The following ZDHHC20 variants were observed in gnomAD, a reference collection of about 807,000 sequenced individuals.
ZDHHC20 encodes palmitoyltransferase ZDHHC20.
ZDHHC20 carries 43 observed loss-of-function variants against 57.8 expected under a neutral mutation model. The observed-to-expected ratio is 0.74, with a 90% CI of 0.58 to 0.96. The LOEUF is 0.96. Among genes scored for constraint, ZDHHC20 ranks in the 40% least tolerant of loss-of-function variants. The probability of loss-of-function intolerance (pLI) is 0.00; values close to 1 mark genes in which losing one functional copy is unlikely to be tolerated. For missense variants in ZDHHC20, 391 were observed against 441.1 expected, an observed-to-expected ratio of 0.89 and a Z score of 1.02; for synonymous variants, 157 against 153.0, an observed-to-expected ratio of 1.03 and a Z score of -0.19.
intron 4 of ZDHHC20, among the ~76,000 whole-genome samples, chr13:21,403,350 G>A (rs1410848504): frequency 6.6e-6 from 1 of 150,812 alleles, no homozygotes; most frequent in Non-Finnish European, 1.5e-5. Flanking sequence ...CAATAAAACT[G>A]GGAATGCATT....
intron 7 of ZDHHC20, among the ~76,000 whole-genome samples, chr13:21,399,355 A>G (rs1263554029): frequency 1.3e-5 from 2 of 152,038 alleles, no homozygotes; most frequent in African/African-American, 4.8e-5. Context: ...AAATAAAAAT[A>G]AAATCAAATA....
intron 5 of ZDHHC20, among the ~76,000 whole-genome samples, chr13:21,402,375 A>C (rs564635209): frequency 6.6e-6 from 1 of 152,318 alleles, no homozygotes; most frequent in South Asian, 2.1e-4. Flanking sequence ...TTCTATACTT[A>C]TATGAAGGTA....
chr13:21,424,264 T>C (rs1055007501), intron 2 of ZDHHC20, among the ~76,000 whole-genome samples: 2 of 152,104 alleles, frequency 1.3e-5, no homozygotes, highest in African/African-American at 4.8e-5. Context: ...ACAAGTAATA[T>C]AGGAAGTAAA....
At chr13:21,379,460 A>C (rs1872841233) in intron 11 of ZDHHC20, among the ~76,000 whole-genome samples, 1 of 151,822 alleles carries the variant, frequency 6.6e-6, no homozygotes, top group Admixed American at 6.6e-5. Flanking sequence ...TTTTTTCCCA[A>C]AGTTTTTCGT....
chr13:21,446,626 T>C (rs1260068343), intron 1 of ZDHHC20, among the ~76,000 whole-genome samples: 1 of 152,246 alleles, frequency 6.6e-6, no homozygotes, highest in Non-Finnish European at 1.5e-5. Context: ...AGGGAATCTA[T>C]TCTCCATAAA....
intron 4 of ZDHHC20, among the ~76,000 whole-genome samples, chr13:21,408,853 G>A (rs1219904500): frequency 6.6e-6 from 1 of 152,182 alleles, no homozygotes; most frequent in Non-Finnish European, 1.5e-5. Flanking sequence ...GGCCTTTTCT[G>A]CATCTATTGA....
At chr13:21,418,689 T>G (rs893206480) in intron 3 of ZDHHC20, among the ~76,000 whole-genome samples, 1 of 142,684 alleles carries the variant, frequency 7.0e-6, no homozygotes. Context: ...GTTGCTGTTG[T>G]CTGAGACAGG....
rs751736008 is a variant in ZDHHC20, at chr13:21,459,097, C to G, written c.75G>C (p.Val25=). The change falls in exon 1 of 13, where the codon GTG becomes GTC. Residue 25 remains valine, a synonymous_variant. Transcript: ENST00000400590. The part of the protein sequence containing the change: ...GWVPVLFITF[V]VVWSYYAYVV... Reference sequence around the variant, plus strand: ...CGTACGCGTAGTAGGACCAGACGACCACGAAGGTGATGAAGAGCACCGGCA... The same window carrying G: ...CGTACGCGTAGTAGGACCAGACGACGACGAAGGTGATGAAGAGCACCGGCA... 6.2e-7 allele frequency: 1 copy of G among 1,607,180 alleles called. No homozygotes were observed. The highest frequency in any genetic ancestry group is 1.1e-5 in the South Asian group (1 of 90,150).
chr13:21,397,298 C>T (rs1163118134), intron 7 of ZDHHC20, among the ~76,000 whole-genome samples: 1 of 151,564 alleles, frequency 6.6e-6, no homozygotes, highest in East Asian at 1.9e-4. Context: ...CACACTCTAG[C>T]CTGGGTGACA....
intron 6 of ZDHHC20, 107 bp from the exon 7 acceptor site, chr13:21,400,600 G>A: frequency 1.7e-6 from 2 of 1,166,746 alleles, no homozygotes; most frequent in Non-Finnish European, 2.4e-6. Flanking sequence ...GTGGGGAAGG[G>A]GAGCTTTTTA....
At position 21,459,133 on chromosome 13, in the gene ZDHHC20, G is replaced by C. The variant is rs1275211230; in HGVS notation, c.39C>G (p.Val13=). 1 of 1,605,760 alleles carries C rather than the reference G, an allele frequency of 6.2e-7. No homozygotes were observed. Among genetic ancestry groups the C allele is most frequent in the South Asian group, 1.1e-5 (1 of 89,990 alleles). The change falls in exon 1 of 13, where the codon GTC becomes GTG. Residue 13 remains valine (V), a synonymous_variant. Coordinates refer to ENST00000400590, the MANE Select transcript of ZDHHC20 (RefSeq NM_001330059.2). ...TGAAGAGCACCGGCACCCAGCCCAC[G>C]ACGCGCTGGCAGCAGCGCCACAGCG... The part of the protein sequence containing the change: ...PWTLWRCCQR[V]VGWVPVLFIT...
Position 21,382,892 on chromosome 13 carries a change from T to C in ZDHHC20, c.944+28A>G, listed in dbSNP as rs375991719. 5.8e-4 allele frequency: 885 copies of C among 1,532,280 alleles called. 3 individuals are homozygous for C. The highest frequency in any genetic ancestry group is 6.4e-4 in the Non-Finnish European group (718 of 1,129,112). 94.9% of individuals were successfully genotyped at this position (1,532,280 alleles called of 1,614,324 possible). ...TATACGGTTTGCTTTATGATGAATA[T>C]AGAAAAGCATAAGGACAATAAGCAT... On this transcript the variant is annotated intron_variant, in intron 10 of 12. Coordinates refer to ENST00000400590, the MANE Select transcript of ZDHHC20 (RefSeq NM_001330059.2).
intron 3 of ZDHHC20, 139 bp from the exon 4 acceptor site, chr13:21,413,911 A>G (rs1249659674): frequency 2.9e-6 from 2 of 693,016 alleles, no homozygotes; most frequent in Non-Finnish European, 4.6e-6. Context: ...AAAAGCAGAT[A>G]AATCAAGTAC....
chr13:21,389,317 A>T (rs1464416329), intron 8 of ZDHHC20, among the ~76,000 whole-genome samples: 1 of 152,202 alleles, frequency 6.6e-6, no homozygotes, highest in African/African-American at 2.4e-5. Flanking sequence ...GCTGTTAGAA[A>T]GTGGTGTGCT....
At chr13:21,412,351 C>A (rs1879329111) in intron 4 of ZDHHC20, among the ~76,000 whole-genome samples, 1 of 152,054 alleles carries the variant, frequency 6.6e-6, no homozygotes, top group Admixed American at 6.6e-5. Context: ...CAAATGATCA[C>A]AATATTGTGG....
intron 3 of ZDHHC20, among the ~76,000 whole-genome samples, chr13:21,420,860 C>T (rs1440628005): frequency 6.6e-6 from 1 of 152,182 alleles, no homozygotes; most frequent in African/African-American, 2.4e-5. Context: ...TTCTATACCG[C>T]TGAACTTTTA....
At chr13:21,429,970 G>A (rs1881727093) in intron 1 of ZDHHC20, among the ~76,000 whole-genome samples, 2 of 151,728 alleles carry the variant, frequency 1.3e-5, no homozygotes, top group Admixed American at 1.3e-4. Flanking sequence ...CTATTTCTTT[G>A]TTGAGAATTC....
intron 4 of ZDHHC20, among the ~76,000 whole-genome samples, chr13:21,405,680 A>G (rs1246576482): frequency 2.0e-5 from 3 of 152,050 alleles, no homozygotes; most frequent in Non-Finnish European, 4.4e-5. Flanking sequence ...ATTCTTTGAC[A>G]CTCTCTAAGA....
intron 1 of ZDHHC20, among the ~76,000 whole-genome samples, chr13:21,435,825 G>A (rs1259838548): frequency 1.3e-5 from 2 of 152,156 alleles, no homozygotes; most frequent in East Asian, 1.9e-4. Context: ...GACTCAGGTT[G>A]GGTTCTCTGG....
Sources: allele counts gnomAD v4.1 joint callset (sites outside exome capture counted in the v4.1 genomes callset), GRCh38; gene constraint gnomAD v4.1.1; transcripts MANE v1.5; gene names NCBI Gene and HGNC (gene_info 2026-07-23, HGNC 2026-07-21).